Variants in RIGI observed in about 807,000 individuals in gnomAD.
RIGI encodes RNA sensor RIG-I.
the RIGI span, among the ~76,000 whole-genome samples, chr9:32,497,721 A>G: frequency 2.6e-5 from 4 of 152,232 alleles, no homozygotes; most frequent in Non-Finnish European, 4.4e-5. Flanking sequence ...CACTCCATCC[A>G]GCCTGGGCGA....
At chr9:32,467,284 G>A in the RIGI span, among the ~76,000 whole-genome samples, 1 of 152,200 alleles carries the variant, frequency 6.6e-6, no homozygotes, top group Non-Finnish European at 1.5e-5. Context: ...TTCAATACAA[G>A]GAAGTGACAC....
the RIGI span, among the ~76,000 whole-genome samples, chr9:32,506,069 T>C: frequency 6.6e-6 from 1 of 151,892 alleles, no homozygotes; most frequent in Non-Finnish European, 1.5e-5. Flanking sequence ...AATAGAAAAA[T>C]TAGCCAGGCG....
chr9:32,501,726 A>G, the RIGI span, among the ~76,000 whole-genome samples: 1 of 152,194 alleles, frequency 6.6e-6, no homozygotes, highest in African/African-American at 2.4e-5. Context: ...CAAGGGAGTA[A>G]GCAAGTTGTC....
the RIGI span, among the ~76,000 whole-genome samples, chr9:32,458,633 A>T: frequency 6.6e-6 from 1 of 152,178 alleles, no homozygotes; most frequent in African/African-American, 2.4e-5. Context: ...ATAATTTTTT[A>T]AAATAAACTT....
At chr9:32,483,936 G>A in the RIGI span, among the ~76,000 whole-genome samples, 3 of 151,950 alleles carry the variant, frequency 2.0e-5, no homozygotes, top group East Asian at 5.8e-4. Flanking sequence ...TCTAATTTTG[G>A]TCTTACCATC....
the RIGI span, chr9:32,492,335 A>G: frequency 6.3e-7 from 1 of 1,597,172 alleles, no homozygotes; most frequent in Non-Finnish European, 8.6e-7. Context: ...GATGTAAAAG[A>G]CCGGTTGGAA....
chr9:32,476,765 GA>G, the RIGI span, among the ~76,000 whole-genome samples: 1 of 151,856 alleles, frequency 6.6e-6, no homozygotes, highest in Admixed American at 6.6e-5. Context: ...CAAGTAACTG[GA>G]ACTACAGGTG....
the RIGI span, among the ~76,000 whole-genome samples, chr9:32,472,044 CA>C: frequency 6.6e-6 from 1 of 152,026 alleles, no homozygotes; most frequent in Non-Finnish European, 1.5e-5. Context: ...GTGAGGTGGT[CA>C]GGATGAGGGC....
chr9:32,486,097 T>G, the RIGI span, among the ~76,000 whole-genome samples: 1 of 152,190 alleles, frequency 6.6e-6, no homozygotes, highest in Non-Finnish European at 1.5e-5. Context: ...TACAGGGCTG[T>G]GATCTTAAGG....
the RIGI span, among the ~76,000 whole-genome samples, chr9:32,506,620 CCAGTATATGAAAATACT>C: frequency 1.3e-5 from 2 of 152,024 alleles, no homozygotes; most frequent in East Asian, 1.9e-4. Context: ...GTTTGTTTTT[CCAGTATATGAAAATACT>C]GTTTTTCCAG....
the RIGI span, among the ~76,000 whole-genome samples, chr9:32,499,582 G>C: frequency 2.0e-5 from 3 of 151,164 alleles, no homozygotes; most frequent in African/African-American, 4.9e-5. Context: ...CAGCCTCCCG[G>C]GTAGCTGGGA....
At chr9:32,460,151 G>T in the RIGI span, among the ~76,000 whole-genome samples, 1 of 152,070 alleles carries the variant, frequency 6.6e-6, no homozygotes, top group Non-Finnish European at 1.5e-5. Context: ...TTTTTCTCTT[G>T]CCGCTGCCAT....
At chr9:32,485,027 A>G in the RIGI span, 3 of 560,104 alleles carry the variant, frequency 5.4e-6, no homozygotes, top group East Asian at 8.8e-5. Context: ...AGGACATATA[A>G]GGCTCCTAAA....
At chr9:32,500,247 C>A in the RIGI span, among the ~76,000 whole-genome samples, 1 of 152,124 alleles carries the variant, frequency 6.6e-6, no homozygotes, top group Non-Finnish European at 1.5e-5. Context: ...AATCAACCTG[C>A]CACACTCACT....
the RIGI span, chr9:32,476,968 A>AG: frequency 4.6e-5 from 74 of 1,606,888 alleles, 2 homozygotes; most frequent in South Asian, 7.7e-4. Context: ...ATCTACAAGG[A>AG]GAAAAAAAGC....
chr9:32,493,190 A>G, the RIGI span, among the ~76,000 whole-genome samples: 1 of 152,236 alleles, frequency 6.6e-6, no homozygotes, highest in Admixed American at 6.5e-5. Context: ...TAACTGCTAG[A>G]GTCTGTAGCC....
the RIGI span, among the ~76,000 whole-genome samples, chr9:32,476,787 G>C: frequency 1.3e-5 from 2 of 152,004 alleles, no homozygotes; most frequent in Admixed American, 1.3e-4. Context: ...CACAGCACCA[G>C]CTAATTTTTC....
chr9:32,457,485 A>T, the RIGI span: 3 of 995,210 alleles, frequency 3.0e-6, no homozygotes, highest in East Asian at 3.6e-5. Context: ...TTGTGATTTA[A>T]AAAAAAAAAA....
At chr9:32,490,624 C>T in the RIGI span, among the ~76,000 whole-genome samples, 1 of 152,128 alleles carries the variant, frequency 6.6e-6, no homozygotes, top group South Asian at 2.1e-4. Context: ...TCCCAATTTC[C>T]TTCCTGATAC....
Sources: allele counts gnomAD v4.1 joint callset (sites outside exome capture counted in the v4.1 genomes callset), GRCh38; gene constraint gnomAD v4.1.1; transcripts MANE v1.5; gene names NCBI Gene and HGNC (gene_info 2026-07-23, HGNC 2026-07-21).